The following ANO2 variants were observed in gnomAD, a reference collection of about 807,000 sequenced individuals.
ANO2 encodes the protein anoctamin 2, also known as anoctamin-2.
In ANO2, 101 loss-of-function variants were observed where a neutral mutation model predicts 124.2. That is an observed-to-expected ratio of 0.81 (90% CI 0.69 to 0.96). ANO2 has a LOEUF of 0.96. Ranked by LOEUF, ANO2 falls within the 40% of genes least tolerant of loss-of-function variation. ANO2 has a pLI of 0.00. For missense variants in ANO2, 1,293 were observed against 1,274.5 expected (o/e 1.01, Z -0.22); for synonymous variants, 486 against 482.5 (o/e 1.01, Z -0.09).
intron 3 of ANO2, among the ~76,000 whole-genome samples, chr12:5,893,491 T>A (rs1939548525): frequency 6.8e-6 from 1 of 147,012 alleles, no homozygotes; most frequent in South Asian, 2.1e-4. Context: ...CTTTTTTTCT[T>A]TTTTTTTTTT....
intron 6 of ANO2, 100 bp from the exon 7 acceptor site, chr12:5,827,920 G>C: frequency 7.5e-7 from 1 of 1,336,360 alleles, no homozygotes. Context: ...GAGGCGCCCG[G>C]GCTCATTTGG....
chr12:5,715,828 G>A (rs879341932), intron 14 of ANO2, among the ~76,000 whole-genome samples: 10 of 152,176 alleles, frequency 6.6e-5, no homozygotes, highest in Admixed American at 1.3e-4. Context: ...CTATCCACCT[G>A]ATATAATGCT....
Position 5,873,196 on chromosome 12 carries a change from G to GCTCTCTCTCTCTCTCT in ANO2, c.535-19071_535-19056dup, listed in dbSNP as rs57038931. On this transcript the variant is annotated intron_variant, in intron 3 of 24. Transcript: ENST00000682330. Reference sequence around the variant, plus strand: ...AACTTTGTTACTTTTGCCTAAAGCAGCTCTCTCTCTCTCTCTCTCTCTCTC... The same window carrying GCTCTCTCTCTCTCTCT: ...AACTTTGTTACTTTTGCCTAAAGCAGCTCTCTCTCTCTCTCTCTCTCTCTCTCTCTCTCTCTCTCTC... 1.7e-3 allele frequency among the ~76,000 whole-genome samples: 201 copies of GCTCTCTCTCTCTCTCT among 119,024 alleles called. 5 individuals are homozygous for GCTCTCTCTCTCTCTCT. Among genetic ancestry groups the GCTCTCTCTCTCTCTCT allele is most frequent in the Non-Finnish European group, 2.7e-3 (152 of 57,138 alleles). The allele number at this position is 119,024 out of a possible 152,430, so 78.1% of individuals were successfully genotyped here. A position where few individuals can be genotyped will look rare whatever the true frequency, so the allele number is the denominator to read the frequency against.
At chr12:5,613,632 A>G (rs560284309) in intron 17 of ANO2, among the ~76,000 whole-genome samples, 123 of 152,056 alleles carry the variant, frequency 8.1e-4, no homozygotes, top group Non-Finnish European at 8.4e-4. Context: ...TTGAAATCCT[A>G]CTCATCCATT....
chr12:5,699,781 G>A (rs1226718207), intron 14 of ANO2, among the ~76,000 whole-genome samples: 1 of 152,112 alleles, frequency 6.6e-6, no homozygotes, highest in Admixed American at 6.5e-5. Context: ...AAAGGCAGGG[G>A]TTGCAATCCT....
rs1952020334 is a variant in ANO2 at position 5,769,904 on chromosome 12, G to C, written c.1056-18934C>G. Among the ~76,000 whole-genome samples, 1 of 152,178 alleles carries C rather than the reference G, an allele frequency of 6.6e-6. No homozygotes were observed. The highest frequency in any genetic ancestry group is 2.4e-5 in the African/African-American group (1 of 41,456). ...AAGCGTGGAGAGCAGTGTGGTCTAT[G>C]TTTGAGCCTCCACTAACCCCTCGGC... On this transcript the variant is annotated intron_variant, in intron 10 of 24. Transcript: ENST00000682330. The surrounding 1 kb of genome is among the most constrained non-coding windows in gnomAD (Gnocchi z 4.0).
intron 7 of ANO2, among the ~76,000 whole-genome samples, chr12:5,813,293 A>T (rs1953495022): frequency 6.6e-6 from 1 of 152,174 alleles, no homozygotes; most frequent in Admixed American, 6.5e-5. Flanking sequence ...TTTGCAATAC[A>T]CTTCATATTC....
At chr12:5,570,785 A>G (rs1156413571) in intron 23 of ANO2, among the ~76,000 whole-genome samples, 1 of 152,238 alleles carries the variant, frequency 6.6e-6, no homozygotes, top group Non-Finnish European at 1.5e-5. Flanking sequence ...GTGGAAATTA[A>G]TGTCATGTTA....
chr12:5,563,319 A>T lies in ANO2; in HGVS notation c.2977T>A (p.Ser993Thr), dbSNP rs1396456385. The T allele has an allele frequency of 6.2e-7, 1 of 1,601,250 alleles. No individual in the cohort carries two copies. The highest frequency in any genetic ancestry group is 1.3e-5 in the African/African-American group (1 of 74,848). The change falls in exon 25 of 25, where the codon TCT becomes ACT. Residue 993 changes from serine (S) to threonine (T), a missense_variant. Coordinates refer to ENST00000682330, the MANE Select transcript of ANO2 (RefSeq NM_001364791.2). ...SQLGSMMSSG[S>T]QHTNV ...ACTGCTCACACATTGGTGTGCTGAG[A>T]GCCTGACGACATCATGCTGCCCAGC...
intron 17 of ANO2, among the ~76,000 whole-genome samples, chr12:5,613,327 C>G (rs1389161271): frequency 6.6e-6 from 1 of 152,128 alleles, no homozygotes; most frequent in East Asian, 1.9e-4. Context: ...GAACACAGCT[C>G]TGGTTGCAAC....
intron 15 of ANO2, among the ~76,000 whole-genome samples, chr12:5,640,584 CA>C (rs1398568395): frequency 6.6e-6 from 1 of 152,142 alleles, no homozygotes; most frequent in East Asian, 1.9e-4. Flanking sequence ...AGACACTTCT[CA>C]AAAGAAGACA....
chr12:5,795,607 GA>G (rs1164842580), intron 10 of ANO2, among the ~76,000 whole-genome samples: 1 of 152,316 alleles, frequency 6.6e-6, no homozygotes, highest in East Asian at 1.9e-4. Flanking sequence ...AGCTGCTTTA[GA>G]ATAAACTTTT....
intron 3 of ANO2, among the ~76,000 whole-genome samples, chr12:5,886,766 T>A (rs955711332): frequency 3.9e-5 from 6 of 152,202 alleles, no homozygotes; most frequent in African/African-American, 7.2e-5. Flanking sequence ...AGCTTTTTTT[T>A]AAGGAAATTC....
At chr12:5,892,355 GA>G (rs936098853) in intron 3 of ANO2, among the ~76,000 whole-genome samples, 1 of 152,066 alleles carries the variant, frequency 6.6e-6, no homozygotes, top group Non-Finnish European at 1.5e-5. Flanking sequence ...GTACAGCATA[GA>G]AAAAAATTTG....
chr12:5,641,886 G>A (rs2136948751), intron 15 of ANO2, among the ~76,000 whole-genome samples: 1 of 152,226 alleles, frequency 6.6e-6, no homozygotes, highest in East Asian at 1.9e-4. Flanking sequence ...AGGTATCAAT[G>A]GAATTTTAAA....
At chr12:5,739,797 ACT>A (rs57224730) in intron 12 of ANO2, 68,678 of 448,520 alleles carry the variant, frequency 0.15, 5,664 homozygotes, top group Admixed American at 0.21. Context: ...CTTCATCAGC[ACT>A]GTCACTTTTT....
chr12:5,920,130 TG>T, intron 3 of ANO2, among the ~76,000 whole-genome samples: 1 of 152,084 alleles, frequency 6.6e-6, no homozygotes, highest in Middle Eastern at 3.4e-3. Flanking sequence ...GATGAATGGA[TG>T]GATAGGTGGA....
At chr12:5,828,553 T>G (rs1345354492) in intron 6 of ANO2, among the ~76,000 whole-genome samples, 1 of 152,226 alleles carries the variant, frequency 6.6e-6, no homozygotes, top group Non-Finnish European at 1.5e-5. Flanking sequence ...TATCATACAC[T>G]TCCTTGAAGA....
At chr12:5,896,812 G>C (rs1480594728) in intron 3 of ANO2, among the ~76,000 whole-genome samples, 2 of 152,222 alleles carry the variant, frequency 1.3e-5, no homozygotes, top group Non-Finnish European at 2.9e-5. Context: ...AGAATAGGTA[G>C]AAAGGTTTTT....
Sources: gnomAD v4.1 joint callset for allele counts (sites outside exome capture counted in the v4.1 genomes callset) on GRCh38, gnomAD v4.1.1 for gene constraint, Gnocchi (gnomAD v3.1) non-coding constraint, MANE v1.5 for transcripts, NCBI Gene and HGNC (gene_info 2026-07-23, HGNC 2026-07-21) for gene names.